Variants in PRKCB observed in about 807,000 individuals in gnomAD.
PRKCB encodes the protein protein kinase C beta.
A neutral mutation model predicts 81.5 loss-of-function variants in PRKCB; 13 were observed. The ratio of observed to expected loss-of-function variants is 0.16; its 90% CI spans 0.10 to 0.25. The LOEUF (loss-of-function observed/expected upper bound fraction) is 0.25. PRKCB is among the 10% of genes least tolerant of loss of function. The probability of loss-of-function intolerance (pLI) is 1.00; values close to 1 mark genes in which losing one functional copy is unlikely to be tolerated. For missense variants in PRKCB, 509 were observed against 875.7 expected (o/e 0.58, Z 5.29); for synonymous variants, 335 against 321.4 (o/e 1.04, Z -0.45).
intron 3 of PRKCB, among the ~76,000 whole-genome samples, chr16:24,029,570 A>C (rs1965524925): frequency 6.8e-6 from 1 of 146,958 alleles, no homozygotes; most frequent in African/African-American, 2.5e-5. Flanking sequence ...AATCTCAGGC[A>C]GTTCTTTATA....
At chr16:24,141,731 A>G (rs903765864) in intron 9 of PRKCB, among the ~76,000 whole-genome samples, 10 of 152,142 alleles carry the variant, frequency 6.6e-5, no homozygotes, top group Admixed American at 2.0e-4. Flanking sequence ...GGGAAATCCT[A>G]TCTGCCACAG....
chr16:24,100,725 C>T (rs751432064), intron 7 of PRKCB, among the ~76,000 whole-genome samples: 22 of 152,194 alleles, frequency 1.4e-4, no homozygotes, highest in East Asian at 3.9e-4. Flanking sequence ...TTCACTGAGA[C>T]GGCAATATTT....
chr16:23,846,254 G>A (rs187620657), intron 2 of PRKCB, among the ~76,000 whole-genome samples: 1 of 141,196 alleles, frequency 7.1e-6, no homozygotes. Context: ...TGGGCACTTA[G>A]TAGATATCTG....
intron 2 of PRKCB, among the ~76,000 whole-genome samples, chr16:23,980,267 T>C (rs1460313919): frequency 1.3e-5 from 2 of 152,254 alleles, no homozygotes; most frequent in African/African-American, 4.8e-5. Flanking sequence ...TCTTTGATCA[T>C]GGAAACAGTT....
intron 2 of PRKCB, among the ~76,000 whole-genome samples, chr16:23,889,626 T>C (rs1963259350): frequency 6.6e-6 from 1 of 152,240 alleles, no homozygotes; most frequent in African/African-American, 2.4e-5. Context: ...TCCAAAGTGA[T>C]GTATGTTCAC....
chr16:24,165,538 G>A (rs914470810), intron 10 of PRKCB, among the ~76,000 whole-genome samples: 2 of 152,180 alleles, frequency 1.3e-5, no homozygotes, highest in African/African-American at 4.8e-5. Context: ...GCTCTGGATT[G>A]CCTCTGACAA....
chr16:24,013,379 A>C (rs1483599564), intron 3 of PRKCB, among the ~76,000 whole-genome samples: 1 of 152,234 alleles, frequency 6.6e-6, no homozygotes, highest in Admixed American at 6.5e-5. Context: ...TTACATGGTG[A>C]CAAAGAACCC....
intron 8 of PRKCB, among the ~76,000 whole-genome samples, chr16:24,116,095 G>T (rs909911008): frequency 6.6e-6 from 1 of 152,174 alleles, no homozygotes; most frequent in African/African-American, 2.4e-5. Context: ...CCTCTGTTTG[G>T]TTACGGGGCT....
chr16:24,195,554 T>G (rs1967866175), intron 16 of PRKCB, among the ~76,000 whole-genome samples: 1 of 152,200 alleles, frequency 6.6e-6, no homozygotes, highest in Non-Finnish European at 1.5e-5. Flanking sequence ...TAAAATAACT[T>G]TAAATGGGTT....
At chr16:23,882,415 G>A (rs62028073) in intron 2 of PRKCB, among the ~76,000 whole-genome samples, 27,415 of 151,552 alleles carry the variant, frequency 0.18, 2,564 homozygotes, top group Middle Eastern at 0.28. Context: ...ATAGAGACAA[G>A]GTTCTTGCTA....
chr16:24,113,595 C>T (rs187013169), intron 8 of PRKCB, among the ~76,000 whole-genome samples: 267 of 148,468 alleles, frequency 1.8e-3, no homozygotes, highest in South Asian at 4.7e-3. Context: ...CTTTCTCTCT[C>T]TCTTCCTCTC....
chr16:23,873,598 C>T (rs1962948764), intron 2 of PRKCB, among the ~76,000 whole-genome samples: 2 of 152,140 alleles, frequency 1.3e-5, no homozygotes, highest in South Asian at 2.1e-4. Flanking sequence ...ACTTACTTCC[C>T]AACTGGGACA....
intron 12 of PRKCB, among the ~76,000 whole-genome samples, chr16:24,179,790 CT>C (rs922433493): frequency 1.1e-4 from 17 of 152,212 alleles, no homozygotes; most frequent in Admixed American, 9.8e-4. Context: ...CATCATACCA[CT>C]TATCAGAATC....
chr16:24,059,276 G>A (rs930808413), intron 5 of PRKCB, among the ~76,000 whole-genome samples: 1 of 152,194 alleles, frequency 6.6e-6, no homozygotes, highest in Admixed American at 6.5e-5. Flanking sequence ...GTGCAGCACT[G>A]TAAGAGCAGG....
chr16:24,185,225 C>A, intron 14 of PRKCB, 34 bp downstream of exon 14: 1 of 1,559,038 alleles, frequency 6.4e-7, no homozygotes, highest in Non-Finnish European at 8.8e-7. Flanking sequence ...TAAGAGAAGT[C>A]CTCCCTACCC....
chr16:23,890,509 A>G (rs978613925), intron 2 of PRKCB, among the ~76,000 whole-genome samples: 1 of 151,980 alleles, frequency 6.6e-6, no homozygotes, highest in African/African-American at 2.4e-5. Context: ...AAGCAAAATG[A>G]CCCTTGCCCC....
chr16:24,038,547 C>T (rs1965654024), intron 5 of PRKCB, among the ~76,000 whole-genome samples: 1 of 152,274 alleles, frequency 6.6e-6, no homozygotes, highest in Admixed American at 6.5e-5. Context: ...GCCTCTGGCC[C>T]CATGTCACAA....
chr16:24,099,060 G>A (rs1966473435), intron 7 of PRKCB: 1 of 152,046 alleles, frequency 6.6e-6, no homozygotes, highest in Non-Finnish European at 1.5e-5. Flanking sequence ...TGATCCTCAG[G>A]GGGTATCAGT....
At chr16:24,181,771 C>CAAAA (rs71154286) in intron 13 of PRKCB, among the ~76,000 whole-genome samples, 2 of 24,570 alleles carry the variant, frequency 8.1e-5, no homozygotes, top group African/African-American at 3.8e-4. Flanking sequence ...GACCCTGTCT[C>CAAAA]AAAAAAAAAA....
Sources: gnomAD v4.1 joint callset for allele counts (sites outside exome capture counted in the v4.1 genomes callset) on GRCh38, gnomAD v4.1.1 for gene constraint, MANE v1.5 for transcripts, NCBI Gene and HGNC (gene_info 2026-07-23, HGNC 2026-07-21) for gene names.